The following SLCO6A1 variants were observed in gnomAD, a reference collection of about 807,000 sequenced individuals.
SLCO6A1 encodes solute carrier organic anion transporter family member 6A1.
Under a neutral mutation model 72.7 loss-of-function variants are expected in SLCO6A1, and 65 were observed. The ratio of observed to expected loss-of-function variants is 0.89; its 90% CI spans 0.73 to 1.10. SLCO6A1 has a LOEUF of 1.10. SLCO6A1 is among the 50% of genes least tolerant of loss of function. The pLI, the probability that SLCO6A1 is intolerant of heterozygous loss-of-function variation, is 0.00. For missense variants in SLCO6A1, 874 were observed against 872.6 expected (o/e 1.00, Z -0.02); for synonymous variants, 314 against 298.2 (o/e 1.05, Z -0.55).
At chr5:102,493,494 A>C (rs550058520) in intron 1 of SLCO6A1, among the ~76,000 whole-genome samples, 19 of 152,348 alleles carry the variant, frequency 1.2e-4, no homozygotes, top group African/African-American at 4.6e-4. Flanking sequence ...GATATCCTTA[A>C]ACTGATAAAA....
At chr5:102,453,333 G>T (rs1160040201) in intron 6 of SLCO6A1, among the ~76,000 whole-genome samples, 2 of 99,228 alleles carry the variant, frequency 2.0e-5, no homozygotes, top group African/African-American at 3.4e-5. Context: ...GTGAGACCCT[G>T]CCTCAAAAAA....
At chr5:102,475,853 T>C (rs925979357) in intron 3 of SLCO6A1, 60 bp from the exon 4 acceptor site, 5 of 1,325,306 alleles carry the variant, frequency 3.8e-6, no homozygotes, top group Non-Finnish European at 5.3e-6. Context: ...TTCGTTATGA[T>C]AAAAATTGAC....
intron 7 of SLCO6A1, among the ~76,000 whole-genome samples, chr5:102,427,424 A>G (rs1372536861): frequency 1.3e-5 from 2 of 152,160 alleles, no homozygotes; most frequent in Non-Finnish European, 2.9e-5. Flanking sequence ...GATGTTTTGA[A>G]AATGATACTT....
intron 7 of SLCO6A1, among the ~76,000 whole-genome samples, chr5:102,424,138 T>A (rs1458817113): frequency 3.3e-5 from 5 of 152,180 alleles, no homozygotes; most frequent in South Asian, 2.1e-4. Context: ...AGAGGAAAAT[T>A]TATAGCACTA....
intron 10 of SLCO6A1, 35 bp from the exon 11 acceptor site, chr5:102,391,080 C>T: frequency 6.4e-7 from 1 of 1,571,140 alleles, no homozygotes; most frequent in Non-Finnish European, 8.8e-7. Flanking sequence ...ATCAGCACAT[C>T]ATTGTTATTA....
At chr5:102,422,557 T>C (rs1748666005) in intron 7 of SLCO6A1, among the ~76,000 whole-genome samples, 1 of 151,888 alleles carries the variant, frequency 6.6e-6, no homozygotes, top group South Asian at 2.1e-4. Context: ...ATATAAAGCA[T>C]GAAGACAAGA....
Position 102,475,776 on chromosome 5 carries a change from A to C in SLCO6A1, c.820T>G (p.Ser274Ala), listed in dbSNP as rs764162064. ...GIYLGIAECT[S>A]MIGYALGYVL... Reference sequence around the variant, plus strand: ...TAACCCAGAGCATATCCAATCATTGATGTACATTCTGCAATACCTGTAAAA... The same window carrying C: ...TAACCCAGAGCATATCCAATCATTGCTGTACATTCTGCAATACCTGTAAAA... The change falls in exon 4 of 14, where the codon TCA (serine) becomes GCA (alanine). Residue 274 changes from serine (S) to alanine (A), a missense_variant. Ser to Ala is a moderately conservative substitution (Grantham distance 99, BLOSUM62 1). Transcript: ENST00000506729. 1 of 1,607,858 alleles carries C rather than the reference A, an allele frequency of 6.2e-7. No individual in the cohort carries two copies. Among genetic ancestry groups the C allele is most frequent in the Non-Finnish European group, 8.5e-7 (1 of 1,176,724 alleles).
At chr5:102,450,290 A>C (rs1580448966) in intron 6 of SLCO6A1, among the ~76,000 whole-genome samples, 1 of 152,166 alleles carries the variant, frequency 6.6e-6, no homozygotes, top group East Asian at 1.9e-4. Flanking sequence ...ATTTGACTAG[A>C]GTCAGTTGAC....
At chr5:102,466,281 G>A (rs969480099) in intron 4 of SLCO6A1, among the ~76,000 whole-genome samples, 1 of 151,854 alleles carries the variant, frequency 6.6e-6, no homozygotes, top group Non-Finnish European at 1.5e-5. Context: ...ACGGTATTTG[G>A]TTTTCTATTC....
At chr5:102,460,839 A>G (rs1750987092) in intron 4 of SLCO6A1, among the ~76,000 whole-genome samples, 1 of 121,272 alleles carries the variant, frequency 8.2e-6, no homozygotes, top group Admixed American at 8.4e-5. Flanking sequence ...AGCATTATTA[A>G]GGAATAGAAA....
At chr5:102,458,523 A>G (rs767491464) in intron 5 of SLCO6A1, 32 bp from the exon 6 acceptor site, 3 of 1,485,474 alleles carry the variant, frequency 2.0e-6, no homozygotes, top group Admixed American at 1.9e-5. Flanking sequence ...AACTTATGAC[A>G]TATTCAAATA....
chr5:102,439,846 A>T (rs1232175254), intron 6 of SLCO6A1, among the ~76,000 whole-genome samples: 1 of 152,178 alleles, frequency 6.6e-6, no homozygotes, highest in African/African-American at 2.4e-5. Context: ...GTAGTGTTTC[A>T]TTTTCTTCAT....
chr5:102,436,177 T>A (rs928900650), intron 7 of SLCO6A1, among the ~76,000 whole-genome samples: 1 of 152,208 alleles, frequency 6.6e-6, no homozygotes, highest in Non-Finnish European at 1.5e-5. Context: ...TACCTAAAGC[T>A]CTGCCATTGG....
chr5:102,448,490 T>C lies in SLCO6A1; in HGVS notation c.1132-9729A>G, dbSNP rs184668615. Among the ~76,000 whole-genome samples, 20 of 152,302 alleles carry C rather than the reference T, an allele frequency of 1.3e-4. No homozygotes were observed. In the East Asian group the frequency reaches 2.1e-3, roughly 16 times the overall value. ...GGGGTGTTGAAGTCTCCCACTGTTA[T>C]TGTGTAGTTATCTAAGTCTCTTCAT... On this transcript the variant is annotated intron_variant, in intron 6 of 13. Transcript: ENST00000506729.
At chr5:102,389,860 T>A (rs1746652572) in intron 11 of SLCO6A1, among the ~76,000 whole-genome samples, 1 of 152,080 alleles carries the variant, frequency 6.6e-6, no homozygotes, top group Admixed American at 6.6e-5. Context: ...CTGTATTTTT[T>A]CTTCTATCAG....
chr5:102,476,406 T>C (rs998535497), intron 3 of SLCO6A1, among the ~76,000 whole-genome samples: 1 of 152,168 alleles, frequency 6.6e-6, no homozygotes, highest in Non-Finnish European at 1.5e-5. Flanking sequence ...GAATTGCTTC[T>C]TCAGAAAACC....
chr5:102,421,166 G>A (rs563072782), intron 7 of SLCO6A1, among the ~76,000 whole-genome samples: 4 of 152,212 alleles, frequency 2.6e-5, no homozygotes, highest in Admixed American at 1.3e-4. Context: ...CCAGGGCCCT[G>A]GGTTTCAAGC....
chr5:102,445,905 C>A (rs1292481868), intron 6 of SLCO6A1, among the ~76,000 whole-genome samples: 8 of 152,092 alleles, frequency 5.3e-5, no homozygotes, highest in Non-Finnish European at 1.0e-4. Flanking sequence ...TCTGTGTTCT[C>A]TATTCTGTTC....
At chr5:102,450,218 C>T (rs945594331) in intron 6 of SLCO6A1, among the ~76,000 whole-genome samples, 3 of 152,130 alleles carry the variant, frequency 2.0e-5, no homozygotes. Context: ...TTTAGAGTTG[C>T]CAGGCTTTTT....
Sources: gnomAD v4.1 joint callset for allele counts (sites outside exome capture counted in the v4.1 genomes callset) on GRCh38, gnomAD v4.1.1 for gene constraint, MANE v1.5 for transcripts, NCBI Gene and HGNC (gene_info 2026-07-23, HGNC 2026-07-21) for gene names.